The following OSBPL8 variants were observed in gnomAD, a reference collection of about 807,000 sequenced individuals.
The protein encoded by OSBPL8 is oxysterol-binding protein-related protein 8.
Under a neutral mutation model 125.5 loss-of-function variants are expected in OSBPL8, and 59 were observed. The ratio of observed to expected loss-of-function variants is 0.47; its 90% CI spans 0.38 to 0.58. The LOEUF is 0.58. Among genes scored for constraint, OSBPL8 ranks in the 20% least tolerant of loss-of-function variants. The pLI, the probability that OSBPL8 is intolerant of heterozygous loss-of-function variation, is 0.00. For synonymous variants in OSBPL8, 330 were observed against 338.9 expected, an observed-to-expected ratio of 0.97 and a Z score of 0.29; for missense variants, 758 against 1,047.8, an observed-to-expected ratio of 0.72 and a Z score of 3.82.
intron 1 of OSBPL8, among the ~76,000 whole-genome samples, chr12:76,526,527 G>C (rs965121840): frequency 2.0e-5 from 3 of 146,874 alleles, no homozygotes; most frequent in Admixed American, 1.4e-4. Context: ...TAAAATCCAT[G>C]AATTTACTGG....
chr12:76,456,217 T>G (rs1436994455), intron 3 of OSBPL8, among the ~76,000 whole-genome samples: 1 of 152,246 alleles, frequency 6.6e-6, no homozygotes, highest in Non-Finnish European at 1.5e-5. Flanking sequence ...ATGTAAATCC[T>G]ATATCTCCTT....
chr12:76,555,339 GGTCT>G (rs557975551), intron 1 of OSBPL8, among the ~76,000 whole-genome samples: 147 of 152,038 alleles, frequency 9.7e-4, no homozygotes, highest in African/African-American at 3.2e-3. Context: ...CACTCCTTGT[GGTCT>G]GTAACATTAA....
At chr12:76,482,668 T>A (rs1877648773) in intron 2 of OSBPL8, among the ~76,000 whole-genome samples, 1 of 152,152 alleles carries the variant, frequency 6.6e-6, no homozygotes, top group South Asian at 2.1e-4. Context: ...ACATATTCAA[T>A]TTTCTCTAAT....
At chr12:76,491,582 TC>T (rs1878719642) in intron 1 of OSBPL8, among the ~76,000 whole-genome samples, 1 of 152,218 alleles carries the variant, frequency 6.6e-6, no homozygotes. Flanking sequence ...ATATAAACTT[TC>T]CTTGACTACA....
intron 4 of OSBPL8, among the ~76,000 whole-genome samples, chr12:76,414,406 CA>C (rs1868364984): frequency 6.8e-6 from 1 of 146,800 alleles, no homozygotes; most frequent in Non-Finnish European, 1.5e-5. Flanking sequence ...GATATTGGTA[CA>C]TATATTAATA....
intron 1 of OSBPL8, among the ~76,000 whole-genome samples, chr12:76,495,003 G>A (rs1042475614): frequency 1.3e-5 from 2 of 152,008 alleles, no homozygotes; most frequent in Admixed American, 6.6e-5. Context: ...CTTAAGCTTC[G>A]GGGCCACTAA....
rs145587060 is a variant in OSBPL8, at chr12:76,364,968, G to A, written c.2328+4246C>T. ...AGGTTGCTTTTAGTAGTACAGTTAC[G>A]TCCTTATTTTTTTGAGACAGGGTCT... On this transcript the variant is annotated intron_variant, in intron 21 of 23. Transcript: ENST00000261183. 1.1e-3 allele frequency among the ~76,000 whole-genome samples: 173 copies of A among 152,122 alleles called. 5 individuals are homozygous for A. The East Asian group carries it at 0.028, about 25-fold the overall frequency.
intron 5 of OSBPL8, among the ~76,000 whole-genome samples, chr12:76,404,806 C>T (rs1169545726): frequency 6.6e-6 from 1 of 152,138 alleles, no homozygotes; most frequent in Non-Finnish European, 1.5e-5. Flanking sequence ...TACACAATTA[C>T]AGTAGTTAAG....
At chr12:76,467,694 T>G (rs74576404) in intron 2 of OSBPL8, among the ~76,000 whole-genome samples, 1 of 152,104 alleles carries the variant, frequency 6.6e-6, no homozygotes, top group Non-Finnish European at 1.5e-5. Flanking sequence ...GTGCCCCCTA[T>G]GTCAGACCCA....
intron 1 of OSBPL8, among the ~76,000 whole-genome samples, chr12:76,504,502 CAT>C (rs1880223252): frequency 6.6e-6 from 1 of 152,150 alleles, no homozygotes; most frequent in Non-Finnish European, 1.5e-5. Flanking sequence ...GGAAGAGAGA[CAT>C]AAACCAGACC....
At chr12:76,527,231 G>A (rs909429662) in intron 1 of OSBPL8, among the ~76,000 whole-genome samples, 2 of 151,550 alleles carry the variant, frequency 1.3e-5, no homozygotes, top group African/African-American at 4.9e-5. Context: ...ATAAATTAAG[G>A]AGGGTGGTGG....
intron 5 of OSBPL8, among the ~76,000 whole-genome samples, chr12:76,409,049 G>C (rs964038234): frequency 2.0e-5 from 3 of 151,790 alleles, no homozygotes; most frequent in Non-Finnish European, 4.4e-5. Flanking sequence ...GCAGACCTAA[G>C]ATAAATTATT....
In OSBPL8 at chr12:76,490,436, C is replaced by T. The variant is rs528355283; in HGVS notation, c.-67-2818G>A. On this transcript the variant is annotated intron_variant, in intron 1 of 23. Transcript: ENST00000261183. ...CCCGAAGAGAGGAGAAGCTGCTGGA[C>T]GTCGGGGACTATGGCTGGACGTTGG... Among the ~76,000 whole-genome samples the T allele has an allele frequency of 8.6e-4, 131 of 152,290 alleles. 1 individual carries two copies. Among genetic ancestry groups the T allele is most frequent in the African/African-American group, 2.9e-3 (122 of 41,560 alleles).
chr12:76,435,318 T>A (rs1324146119), intron 4 of OSBPL8, among the ~76,000 whole-genome samples: 1 of 152,162 alleles, frequency 6.6e-6, no homozygotes, highest in Non-Finnish European at 1.5e-5. Flanking sequence ...AAATACTGCA[T>A]GATCTCTCTT....
chr12:76,402,730 T>G lies in OSBPL8; in HGVS notation c.325A>C (p.Ser109Arg). The stretch of plus-strand genomic sequence containing the variant: ...TTTGTGAGTTTGCTTGAAGTTGAAC[T>G]GTCCTTCTCTGAGCCATTATAAAGT... ...SKLYNGSEKD[S>R]STSSKLTKKE... Residue 109 changes from serine to arginine, a missense_variant, in exon 6 of 24, where the codon AGT becomes CGT. Around this residue, in one of 3 missense-constraint regions of OSBPL8, gnomAD observed 117 missense variants for 137.1 expected, o/e 0.85. Coordinates refer to ENST00000261183, the MANE Select transcript of OSBPL8 (RefSeq NM_020841.5). The G allele has an allele frequency of 6.2e-7, 1 of 1,608,132 alleles. No individual in the cohort carries two copies.
intron 4 of OSBPL8, among the ~76,000 whole-genome samples, chr12:76,442,150 A>T (rs1209180172): frequency 6.6e-6 from 1 of 152,200 alleles, no homozygotes; most frequent in Non-Finnish European, 1.5e-5. Flanking sequence ...TTAAAGAAAC[A>T]ATTAATAAGG....
At chr12:76,432,816 T>C (rs537222125) in intron 4 of OSBPL8, among the ~76,000 whole-genome samples, 4 of 151,950 alleles carry the variant, frequency 2.6e-5, no homozygotes, top group East Asian at 3.9e-4. Flanking sequence ...TCAGAAAAAA[T>C]AGATATTACA....
At chr12:76,535,796 G>A (rs1017138205) in intron 1 of OSBPL8, among the ~76,000 whole-genome samples, 7 of 152,096 alleles carry the variant, frequency 4.6e-5, no homozygotes, top group Admixed American at 3.9e-4. Context: ...CTATGATTCC[G>A]TTCATATGAA....
rs144586003 is a variant in OSBPL8, at chr12:76,525,770, T to C, written c.-68+33627A>G. Among the ~76,000 whole-genome samples the C allele has an allele frequency of 6.4e-3, 978 of 152,300 alleles. 12 individuals carry two copies. The highest frequency in any genetic ancestry group is 0.023 in the African/African-American group (945 of 41,562). ...AAAAATGTCCCCAAATGTAATAACA[T>C]TTTAAACATTTACAAAAATAAAAAA... On this transcript the variant is annotated intron_variant, in intron 1 of 23. Transcript: ENST00000261183.
Sources: allele counts gnomAD v4.1 joint callset (sites outside exome capture counted in the v4.1 genomes callset), GRCh38; gene constraint gnomAD v4.1.1; regional missense constraint gnomAD v4.1.1; transcripts MANE v1.5; gene names NCBI Gene and HGNC (gene_info 2026-07-23, HGNC 2026-07-21).